The following WDR7 variants were observed in gnomAD, a reference collection of about 807,000 sequenced individuals.
The protein encoded by WDR7 is WD repeat domain 7, also known as WD repeat-containing protein 7.
In WDR7, 46 loss-of-function variants were observed where a neutral mutation model predicts 169.4. The ratio of observed to expected loss-of-function variants is 0.27; its 90% confidence interval spans 0.21 to 0.35. The LOEUF (loss-of-function observed/expected upper bound fraction) is 0.35. Among genes scored for constraint, WDR7 ranks in the 10% least tolerant of loss-of-function variants. The probability of loss-of-function intolerance (pLI) is 1.00; values close to 1 mark genes in which losing one functional copy is unlikely to be tolerated. For synonymous variants in WDR7, 612 were observed against 666.8 expected (o/e 0.92, Z 1.27); for missense variants, 1,534 against 1,859.3 (o/e 0.83, Z 3.22).
intron 22 of WDR7, among the ~76,000 whole-genome samples, chr18:56,925,639 C>T (rs2046795698): frequency 6.6e-6 from 1 of 152,060 alleles, no homozygotes; most frequent in African/African-American, 2.4e-5. Context: ...GCTTTGGGTC[C>T]ATAGTTGTCT....
intron 21 of WDR7, among the ~76,000 whole-genome samples, chr18:56,882,986 G>T (rs1206189073): frequency 6.6e-6 from 1 of 152,270 alleles, no homozygotes; most frequent in East Asian, 1.9e-4. Context: ...ACTTTGGGAG[G>T]CCGAGGTGGG....
At chr18:56,887,007 G>A (rs1270270592) in intron 21 of WDR7, among the ~76,000 whole-genome samples, 1 of 151,770 alleles carries the variant, frequency 6.6e-6, no homozygotes, top group African/African-American at 2.4e-5. Flanking sequence ...AAATGAGATA[G>A]CAACACAATA....
chr18:56,972,405 C>T (rs2047501408), intron 26 of WDR7, among the ~76,000 whole-genome samples: 1 of 152,126 alleles, frequency 6.6e-6, no homozygotes, highest in Admixed American at 6.6e-5. Context: ...GTCTATAACG[C>T]TTATACATCA....
intron 21 of WDR7, among the ~76,000 whole-genome samples, chr18:56,890,591 AC>A (rs1210343852): frequency 2.0e-5 from 3 of 152,208 alleles, no homozygotes; most frequent in African/African-American, 7.2e-5. Context: ...TAGCAAAAGA[AC>A]AGATATTCTT....
chr18:56,764,594 A>T (rs115746778), intron 16 of WDR7, among the ~76,000 whole-genome samples: 433 of 152,250 alleles, frequency 2.8e-3, no homozygotes, highest in African/African-American at 9.7e-3. Flanking sequence ...TATATAATAC[A>T]TTGTTACTAA....
At chr18:57,002,301 T>C (rs2047993517) in intron 26 of WDR7, among the ~76,000 whole-genome samples, 1 of 152,160 alleles carries the variant, frequency 6.6e-6, no homozygotes, top group Non-Finnish European at 1.5e-5. Context: ...ATTTTCTTTA[T>C]TGATATGAAC....
At chr18:56,754,271 G>GTA (rs1568175623) in intron 14 of WDR7, among the ~76,000 whole-genome samples, 1 of 147,484 alleles carries the variant, frequency 6.8e-6, no homozygotes, top group African/African-American at 2.6e-5. Context: ...GTGTGTGTGT[G>GTA]TGTGTGTGTG....
At chr18:56,680,299 T>C (rs965955658) in intron 3 of WDR7, among the ~76,000 whole-genome samples, 2 of 152,078 alleles carry the variant, frequency 1.3e-5, no homozygotes, top group Non-Finnish European at 2.9e-5. Flanking sequence ...TTGAGGCTGT[T>C]ATGAGCTGTG....
At chr18:57,004,202 T>C (rs1228920886) in intron 26 of WDR7, among the ~76,000 whole-genome samples, 2 of 152,080 alleles carry the variant, frequency 1.3e-5, no homozygotes, top group Admixed American at 6.6e-5. Flanking sequence ...TGGATGAATC[T>C]AATATCTAGG....
intron 15 of WDR7, among the ~76,000 whole-genome samples, chr18:56,758,606 T>C (rs1382486678): frequency 6.6e-6 from 1 of 152,080 alleles, no homozygotes; most frequent in Non-Finnish European, 1.5e-5. Flanking sequence ...TTAAGTATGA[T>C]GTTAGAAAAT....
At chr18:56,689,246 A>C (rs950895592) in intron 7 of WDR7, among the ~76,000 whole-genome samples, 2 of 152,094 alleles carry the variant, frequency 1.3e-5, no homozygotes, top group African/African-American at 4.8e-5. Flanking sequence ...CCTAATTTTT[A>C]TATGGTTTTA....
In WDR7 at chr18:56,756,619, G is replaced by T; in HGVS notation, c.2026G>T (p.Val676Phe). The change falls in exon 15 of 28, where the codon GTT (valine) becomes TTT (phenylalanine). Residue 676 changes from valine to phenylalanine, a missense_variant. Coordinates refer to ENST00000254442, the MANE Select transcript of WDR7 (RefSeq NM_015285.3). ...LPKYSHNSLM[V>F]QAIKTNLTDP... ...TAAATATTCTCATAACTCCCTGATGGTTCAAGCAATAAAGACAAACCTAAC... is the reference window on the plus strand; with the variant it reads ...TAAATATTCTCATAACTCCCTGATGTTTCAAGCAATAAAGACAAACCTAAC... 6.2e-7 allele frequency: 1 copy of T among 1,611,716 alleles called. No individual in the cohort carries two copies.
chr18:56,772,618 T>C (rs2044182052), intron 16 of WDR7, among the ~76,000 whole-genome samples: 2 of 152,222 alleles, frequency 1.3e-5, no homozygotes, highest in African/African-American at 2.4e-5. Context: ...TGAGTCAACA[T>C]TGAACATTAT....
At chr18:56,832,131 C>T (rs1052059982) in intron 20 of WDR7, among the ~76,000 whole-genome samples, 1 of 152,162 alleles carries the variant, frequency 6.6e-6, no homozygotes, top group African/African-American at 2.4e-5. Flanking sequence ...TGAGGTTGAC[C>T]TGGAATGCTT....
intron 21 of WDR7, among the ~76,000 whole-genome samples, chr18:56,885,595 C>T (rs567788557): frequency 4.6e-5 from 7 of 151,706 alleles, no homozygotes; most frequent in South Asian, 2.1e-4. Flanking sequence ...GAGGCCCAGG[C>T]GGGCGGATCA....
At chr18:56,816,875 T>C (rs1360560400) in intron 20 of WDR7, among the ~76,000 whole-genome samples, 1 of 152,182 alleles carries the variant, frequency 6.6e-6, no homozygotes, top group Admixed American at 6.5e-5. Context: ...ATTTAAAATT[T>C]GATCATAAAG....
chr18:56,669,446 T>C (rs1175190968), intron 1 of WDR7, among the ~76,000 whole-genome samples: 1 of 152,106 alleles, frequency 6.6e-6, no homozygotes, highest in Non-Finnish European at 1.5e-5. Context: ...CAGAGCTTTA[T>C]CTTTTAAACA....
chr18:56,789,473 C>T (rs1437173249), intron 19 of WDR7, among the ~76,000 whole-genome samples: 1 of 152,236 alleles, frequency 6.6e-6, no homozygotes, highest in Admixed American at 6.5e-5. Flanking sequence ...AGCCTGCGCT[C>T]AGGATGTCAG....
At chr18:57,021,978 C>T (rs2048298758) in intron 27 of WDR7, among the ~76,000 whole-genome samples, 1 of 152,214 alleles carries the variant, frequency 6.6e-6, no homozygotes, top group Non-Finnish European at 1.5e-5. Flanking sequence ...CAGACTTCTT[C>T]TACTTTTATC....
Sources: allele counts gnomAD v4.1 joint callset (sites outside exome capture counted in the v4.1 genomes callset), GRCh38; gene constraint gnomAD v4.1.1; transcripts MANE v1.5; gene names NCBI Gene and HGNC (gene_info 2026-07-23, HGNC 2026-07-21).